The following SPTSSB variants were observed in gnomAD, a reference collection of about 807,000 sequenced individuals.
SPTSSB encodes serine palmitoyltransferase small subunit B.
A neutral mutation model predicts 7.7 loss-of-function variants in SPTSSB; 6 were observed. The ratio of observed to expected loss-of-function variants is 0.78; its 90% CI spans 0.43 to 1.54. The LOEUF is 1.54. Ranked by LOEUF, SPTSSB falls within the 40% of genes most tolerant of loss-of-function variation. The pLI, the probability that SPTSSB is intolerant of heterozygous loss-of-function variation, is 0.01. For missense variants in SPTSSB, 91 were observed against 93.0 expected (o/e 0.98, Z 0.09); for synonymous variants, 28 against 29.7 (o/e 0.94, Z 0.19).
At chr3:161,355,026 T>C (rs1342514586) in intron 2 of SPTSSB, among the ~76,000 whole-genome samples, 1 of 152,120 alleles carries the variant, frequency 6.6e-6, no homozygotes, top group Non-Finnish European at 1.5e-5. Flanking sequence ...GAAGAGAAAT[T>C]TGTAACAAGG....
chr3:161,370,819 T>G (rs539056330), intron 1 of SPTSSB, among the ~76,000 whole-genome samples: 4 of 152,240 alleles, frequency 2.6e-5, no homozygotes, highest in Non-Finnish European at 4.4e-5. Context: ...TTTCCCCACC[T>G]TCTTCATCCC....
intron 1 of SPTSSB, 101 bp downstream of exon 1, chr3:161,371,334 G>T: frequency 1.3e-6 from 1 of 750,008 alleles, no homozygotes; most frequent in Non-Finnish European, 1.6e-6. Context: ...CTGATAAATT[G>T]CATTAAAGCT....
chr3:161,370,279 A>C (rs757445485), intron 1 of SPTSSB, among the ~76,000 whole-genome samples: 1 of 152,116 alleles, frequency 6.6e-6, no homozygotes, highest in Non-Finnish European at 1.5e-5. Context: ...AATCTAGTCG[A>C]ATTCTAGAAT....
intron 2 of SPTSSB, among the ~76,000 whole-genome samples, chr3:161,354,239 GA>G: frequency 6.6e-6 from 1 of 152,268 alleles, no homozygotes; most frequent in African/African-American, 2.4e-5. Context: ...ATACTAGAAG[GA>G]AAAAGTCTCA....
chr3:161,364,143 C>G (rs527639111), intron 1 of SPTSSB, among the ~76,000 whole-genome samples: 2 of 151,890 alleles, frequency 1.3e-5, no homozygotes, highest in East Asian at 3.9e-4. Context: ...TTTAAAATTT[C>G]TCTATCTAAA....
chr3:161,365,214 A>G (rs1331176203), intron 1 of SPTSSB, among the ~76,000 whole-genome samples: 1 of 152,274 alleles, frequency 6.6e-6, no homozygotes, highest in Non-Finnish European at 1.5e-5. Context: ...CACTACTTGT[A>G]TACCTGACAA....
chr3:161,365,541 A>G (rs1433269443), intron 1 of SPTSSB, among the ~76,000 whole-genome samples: 1 of 152,236 alleles, frequency 6.6e-6, no homozygotes, highest in East Asian at 1.9e-4. Context: ...ACATATCCTC[A>G]GAAGGAAAGG....
intron 2 of SPTSSB, among the ~76,000 whole-genome samples, chr3:161,352,324 C>A (rs1714579663): frequency 6.6e-6 from 1 of 152,080 alleles, no homozygotes; most frequent in African/African-American, 2.4e-5. Flanking sequence ...TTTTCTTGTG[C>A]CCCTTCTCTG....
Position 161,356,887 on chromosome 3 carries a change from T to C in SPTSSB, c.-33+2915A>G, listed in dbSNP as rs539324849. ...ATCCTCGCACTTTGAGGGGCTGAGG[T>C]GGGAGGATCGCTTGAGCCCAGGATG... On this transcript the variant is annotated intron_variant, in intron 2 of 2. Transcript: ENST00000620149. Among the ~76,000 whole-genome samples the C allele has an allele frequency of 8.6e-5, 13 of 151,726 alleles. No homozygotes were observed. In the South Asian group the frequency reaches 2.7e-3, roughly 32 times the overall value.
intron 2 of SPTSSB, among the ~76,000 whole-genome samples, chr3:161,354,060 A>G (rs1193995640): frequency 6.6e-6 from 1 of 152,190 alleles, no homozygotes; most frequent in Non-Finnish European, 1.5e-5. Flanking sequence ...TCGAACAACC[A>G]TAGGGCAATT....
At chr3:161,369,306 CTTTCTTTCTCTTTCTT>C (rs1175972106) in intron 1 of SPTSSB, among the ~76,000 whole-genome samples, 2 of 56,456 alleles carry the variant, frequency 3.5e-5, no homozygotes, top group Non-Finnish European at 6.0e-5. Context: ...TTCTTTCTTT[CTTTCTTTCTCTTTCTT>C]TCTTTCTTTC....
Position 161,346,211 on chromosome 3 carries a change from A to G in SPTSSB, c.113T>C (p.Leu38Ser), listed in dbSNP as rs776322110. Residue 38 changes from leucine (L) to serine (S), a missense_variant, in exon 3 of 3, where the codon TTA becomes TCA. Coordinates refer to ENST00000620149, the MANE Select transcript of SPTSSB (RefSeq NM_001040100.2). ...TACCACCATAGCAATAATGGTTAGT[A>G]AGATGGTGTTAAACATAGATCGCTC... is the stretch of plus-strand genomic sequence containing the variant. ...PWERSMFNTILLTIIAMVVYT... is the reference protein window; with the variant it reads ...PWERSMFNTISLTIIAMVVYT... 1.9e-6 allele frequency: 3 copies of G among 1,612,180 alleles called. No homozygotes were observed. The highest frequency in any genetic ancestry group is 1.3e-5 in the African/African-American group (1 of 75,018).
At chr3:161,346,454 T>G in intron 2 of SPTSSB, 99 bp from the exon 3 acceptor site, 1 of 597,384 alleles carries the variant, frequency 1.7e-6, no homozygotes, top group East Asian at 2.8e-5. Flanking sequence ...AAAGATTTGT[T>G]AAAGATCATT....
intron 1 of SPTSSB, among the ~76,000 whole-genome samples, chr3:161,369,370 GTCTC>G (rs1715401338): frequency 8.8e-5 from 2 of 22,754 alleles, no homozygotes; most frequent in Non-Finnish European, 1.8e-4. Context: ...TTCTCTCTCT[GTCTC>G]TCTTTCTTTC....
At chr3:161,356,004 A>C (rs1714756186) in intron 2 of SPTSSB, among the ~76,000 whole-genome samples, 1 of 152,230 alleles carries the variant, frequency 6.6e-6, no homozygotes, top group Admixed American at 6.5e-5. Context: ...TAGCAAAATC[A>C]CATCGATGTA....
At chr3:161,367,839 CCT>C (rs941777064) in intron 1 of SPTSSB, among the ~76,000 whole-genome samples, 4 of 152,180 alleles carry the variant, frequency 2.6e-5, no homozygotes. Context: ...CAGGTACCTT[CCT>C]CTCTCACCCA....
intron 1 of SPTSSB, among the ~76,000 whole-genome samples, chr3:161,363,522 A>G (rs973870788): frequency 2.0e-5 from 3 of 152,022 alleles, no homozygotes; most frequent in Non-Finnish European, 2.9e-5. Context: ...TACTGTTGAA[A>G]CCATACCTGC....
chr3:161,352,540 T>C (rs1370969376), intron 2 of SPTSSB, among the ~76,000 whole-genome samples: 1 of 152,240 alleles, frequency 6.6e-6, no homozygotes, highest in Admixed American at 6.5e-5. Context: ...CTTTGGGTAC[T>C]GGGAATGTGC....
intron 2 of SPTSSB, among the ~76,000 whole-genome samples, chr3:161,352,408 A>G (rs183744765): frequency 6.6e-6 from 1 of 152,312 alleles, no homozygotes; most frequent in Admixed American, 6.5e-5. Flanking sequence ...TCTTTCTTCT[A>G]TGAAACATTC....
Sources: allele counts gnomAD v4.1 joint callset (sites outside exome capture counted in the v4.1 genomes callset), GRCh38; gene constraint gnomAD v4.1.1; transcripts MANE v1.5; gene names NCBI Gene and HGNC (gene_info 2026-07-23, HGNC 2026-07-21).